The following RSF1 variants were observed in gnomAD, a reference collection of about 807,000 sequenced individuals.
RSF1 encodes the protein HBV pX-associated protein 8.
Under a neutral mutation model 145.2 loss-of-function variants are expected in RSF1, and 13 were observed. The observed-to-expected ratio is 0.09, with a 90% CI of 0.06 to 0.14. The LOEUF (loss-of-function observed/expected upper bound fraction) is 0.14. Ranked by LOEUF, RSF1 falls within the 10% of genes least tolerant of loss-of-function variation. The probability of loss-of-function intolerance (pLI) is 1.00; values close to 1 mark genes in which losing one functional copy is unlikely to be tolerated. For synonymous variants in RSF1, 577 were observed against 592.6 expected, an observed-to-expected ratio of 0.97 and a Z score of 0.38; for missense variants, 1,517 against 1,718.2, an observed-to-expected ratio of 0.88 and a Z score of 2.07.
chr11:77,842,356 C>A, the RSF1 span: 1 of 930,638 alleles, frequency 1.1e-6, no homozygotes, highest in Non-Finnish European at 1.6e-6. Flanking sequence ...GAAGAAGTAA[C>A]AACCACGTAA....
At chr11:77,807,807 G>A (rs901901686) in intron 1 of RSF1, among the ~76,000 whole-genome samples, 5 of 152,102 alleles carry the variant, frequency 3.3e-5, no homozygotes, top group African/African-American at 9.7e-5. Flanking sequence ...TGCACAGCCC[G>A]TAGTTAATGA....
chr11:77,738,613 C>G (rs1466544679), intron 4 of RSF1: 1 of 152,178 alleles, frequency 6.6e-6, no homozygotes, highest in African/African-American at 2.4e-5. Flanking sequence ...TCAAACATAA[C>G]TGTTAACTCT....
At chr11:77,862,785 T>A in the RSF1 span, among the ~76,000 whole-genome samples, 1 of 152,238 alleles carries the variant, frequency 6.6e-6, no homozygotes. Flanking sequence ...TTATAATTTA[T>A]ACTTCCCTCA....
At chr11:77,749,969 G>A (rs949240954) in intron 2 of RSF1, among the ~76,000 whole-genome samples, 17 of 152,084 alleles carry the variant, frequency 1.1e-4, no homozygotes, top group East Asian at 3.9e-4. Context: ...GGCTGGTCTC[G>A]AATTCCTGAC....
intron 11 of RSF1, among the ~76,000 whole-genome samples, chr11:77,680,840 T>C (rs953049876): frequency 3.3e-5 from 5 of 152,222 alleles, no homozygotes; most frequent in Non-Finnish European, 7.3e-5. Context: ...ATCCATTCAC[T>C]AGGGTAGAAT....
chr11:77,838,655 T>G, the RSF1 span, among the ~76,000 whole-genome samples: 1 of 151,490 alleles, frequency 6.6e-6, no homozygotes, highest in African/African-American at 2.4e-5. Flanking sequence ...CTCGCTCTTT[T>G]GCCCAGGCCA....
At chr11:77,857,406 T>C in the RSF1 span, among the ~76,000 whole-genome samples, 2 of 152,176 alleles carry the variant, frequency 1.3e-5, no homozygotes, top group Admixed American at 6.5e-5. Flanking sequence ...AGTAGAATCA[T>C]GGGAAGAGCT....
intron 1 of RSF1, among the ~76,000 whole-genome samples, chr11:77,768,873 C>A (rs571697569): frequency 2.0e-4 from 30 of 152,068 alleles, no homozygotes; most frequent in Admixed American, 3.3e-4. Flanking sequence ...CCAGGATGAT[C>A]GAAATGTTCT....
intron 4 of RSF1, chr11:77,734,850 T>C (rs1961302318): frequency 9.4e-6 from 15 of 1,587,842 alleles, no homozygotes; most frequent in South Asian, 7.7e-5. Context: ...CCTCATGAGA[T>C]TGGTGAAGAA....
At chr11:77,697,223 C>T (rs185636353) in intron 7 of RSF1, among the ~76,000 whole-genome samples, 1 of 151,992 alleles carries the variant, frequency 6.6e-6, no homozygotes, top group African/African-American at 2.4e-5. Flanking sequence ...GGCTGGAGAA[C>T]CACTTCTTAG....
intron 1 of RSF1, among the ~76,000 whole-genome samples, chr11:77,773,377 T>G (rs1402708495): frequency 6.6e-6 from 1 of 152,128 alleles, no homozygotes; most frequent in African/African-American, 2.4e-5. Flanking sequence ...ACAGTCAAAA[T>G]TTTTGAAGCA....
intron 11 of RSF1, among the ~76,000 whole-genome samples, chr11:77,683,181 C>T (rs1442979974): frequency 1.3e-5 from 2 of 152,026 alleles, no homozygotes; most frequent in African/African-American, 2.4e-5. Context: ...GTCCCAGCTA[C>T]GTGGGAGGCT....
intron 9 of RSF1, among the ~76,000 whole-genome samples, chr11:77,689,935 G>A (rs921316627): frequency 1.3e-5 from 2 of 152,064 alleles, no homozygotes; most frequent in African/African-American, 4.8e-5. Context: ...AGGCCGAGGC[G>A]GGTGAATCAC....
rs779839966 is a variant in RSF1 at position 77,691,245 on chromosome 11, A to C, written c.2821-7T>G. 1 of 1,613,478 alleles carries C rather than the reference A, an allele frequency of 6.2e-7. No homozygotes were observed. The highest frequency in any genetic ancestry group is 2.2e-5 in the East Asian group (1 of 44,876). On this transcript the variant is annotated splice_polypyrimidine_tract_variant and splice_region_variant and intron_variant, in intron 8 of 15. Transcript: ENST00000308488. Reference sequence around the variant, plus strand: ...ATTTTTCACAGAGCAGTTTCTGAAGAAGCAAAATAGATAAAAGTCATTTTA... The same window carrying C: ...ATTTTTCACAGAGCAGTTTCTGAAGCAGCAAAATAGATAAAAGTCATTTTA...
chr11:77,862,690 T>C, the RSF1 span, among the ~76,000 whole-genome samples: 1 of 152,184 alleles, frequency 6.6e-6, no homozygotes, highest in Non-Finnish European at 1.5e-5. Context: ...AATTGCGAGT[T>C]GTCTCTTAAT....
the RSF1 span, among the ~76,000 whole-genome samples, chr11:77,833,192 T>C: frequency 4.0e-5 from 6 of 151,438 alleles, no homozygotes; most frequent in African/African-American, 1.2e-4. Context: ...GCATTTTTAG[T>C]AGAGATGGGG....
rs1372848806 is a variant in RSF1, at chr11:77,783,059, A to T, written c.188-18370T>A. 2.0e-5 allele frequency among the ~76,000 whole-genome samples: 3 copies of T among 152,228 alleles called. No homozygotes were observed. In the East Asian group the frequency reaches 5.8e-4, roughly 29 times the overall value. ...CATCTACTCTTAGCTAATTAATTAC[A>T]CTTCTTTAAGTTTTTGTGGTTGCTT... On this transcript the variant is annotated intron_variant, in intron 1 of 15. Coordinates refer to ENST00000308488, the MANE Select transcript of RSF1 (RefSeq NM_016578.4).
intron 1 of RSF1, among the ~76,000 whole-genome samples, chr11:77,818,639 C>T (rs1280768706): frequency 6.6e-6 from 1 of 151,996 alleles, no homozygotes; most frequent in Non-Finnish European, 1.5e-5. Context: ...ATTAGCCGGG[C>T]TCGGTGGTGC....
upstream of RSF1, chr11:77,821,040 G>T: frequency 2.1e-6 from 1 of 478,638 alleles, no homozygotes; most frequent in South Asian, 3.8e-5. Context: ...GGGGAGGCGG[G>T]CTGGAAGCGG....
Sources: allele counts gnomAD v4.1 joint callset (sites outside exome capture counted in the v4.1 genomes callset), GRCh38; gene constraint gnomAD v4.1.1; transcripts MANE v1.5; gene names NCBI Gene and HGNC (gene_info 2026-07-23, HGNC 2026-07-21).